INTS9: variants seen among roughly 807,000 people sequenced by gnomAD.
The protein encoded by INTS9 is protein related to CPSF subunits of 74 kDa.
INTS9 carries 55 observed loss-of-function variants against 79.7 expected under a neutral mutation model. The observed-to-expected ratio is 0.69, with a 90% CI of 0.56 to 0.86. INTS9 has a LOEUF of 0.86. Ranked by LOEUF, INTS9 falls within the 40% of genes least tolerant of loss-of-function variation. The pLI is 0.00. For missense variants in INTS9, 721 were observed against 831.5 expected, an observed-to-expected ratio of 0.87 and a Z score of 1.64; for synonymous variants, 319 against 325.2, an observed-to-expected ratio of 0.98 and a Z score of 0.20.
intron 3 of INTS9, among the ~76,000 whole-genome samples, chr8:28,847,980 T>C (rs535559985): frequency 2.0e-5 from 3 of 152,322 alleles, no homozygotes; most frequent in Non-Finnish European, 4.4e-5. Flanking sequence ...GGCAAAGCCA[T>C]ACAGATACCG....
chr8:28,850,841 GT>G (rs1471724921), intron 2 of INTS9, among the ~76,000 whole-genome samples: 1 of 152,188 alleles, frequency 6.6e-6, no homozygotes, highest in Non-Finnish European at 1.5e-5. Flanking sequence ...AATGAAGCTA[GT>G]TTTCCCAAGT....
At chr8:28,826,530 G>A (rs1486726942) in intron 6 of INTS9, among the ~76,000 whole-genome samples, 2 of 152,140 alleles carry the variant, frequency 1.3e-5, no homozygotes, top group Non-Finnish European at 2.9e-5. Flanking sequence ...CTTCTGCCAT[G>A]GCTCCAAGTG....
At chr8:28,831,592 T>C (rs1276818277) in intron 6 of INTS9, among the ~76,000 whole-genome samples, 1 of 152,178 alleles carries the variant, frequency 6.6e-6, no homozygotes, top group Non-Finnish European at 1.5e-5. Context: ...TGTGGCCAAA[T>C]GGGAGGCAAA....
At chr8:28,888,262 T>C (rs999055823) in intron 1 of INTS9, among the ~76,000 whole-genome samples, 2 of 152,214 alleles carry the variant, frequency 1.3e-5, no homozygotes, top group Non-Finnish European at 2.9e-5. Flanking sequence ...CAGTGAATTA[T>C]AATTTCGGAC....
Position 28,780,824 on chromosome 8 carries a change from C to T in INTS9, c.1269G>A (p.Thr423=), listed in dbSNP as rs111650232. 7.0e-4 allele frequency: 1,125 copies of T among 1,613,298 alleles called. 3 individuals carry two copies. The highest frequency in any genetic ancestry group is 8.5e-4 in the Non-Finnish European group (1,004 of 1,179,574). The change falls in exon 12 of 17, where the codon ACG becomes ACA. Residue 423 remains threonine, a splice_region_variant and synonymous_variant. Coordinates refer to ENST00000521022, the MANE Select transcript of INTS9 (RefSeq NM_018250.4). ...TGTTTCTTTATTTTTTTCACTTACC[C>T]GTGAATATGACGGTATTGAGACTAG... ...GKSSLNTVIF[T]EPDFSYLEAL...
intron 8 of INTS9, among the ~76,000 whole-genome samples, chr8:28,802,801 A>G (rs1804594677): frequency 6.6e-6 from 1 of 152,266 alleles, no homozygotes; most frequent in South Asian, 2.1e-4. Context: ...CATCAGTGTC[A>G]CATTCTATTA....
chr8:28,824,286 C>T (rs1011130016), intron 6 of INTS9, among the ~76,000 whole-genome samples: 17 of 152,176 alleles, frequency 1.1e-4, no homozygotes, highest in Admixed American at 8.5e-4. Context: ...TGCACACCTC[C>T]TCTCCTCCTT....
intron 6 of INTS9, chr8:28,813,821 C>A (rs188930862): frequency 9.0e-6 from 4 of 443,040 alleles, no homozygotes; most frequent in Non-Finnish European, 1.6e-5. Flanking sequence ...AGTGCTATGG[C>A]GCCATCTCGG....
chr8:28,771,991 G>T (rs1200368932), intron 14 of INTS9, among the ~76,000 whole-genome samples: 1 of 152,116 alleles, frequency 6.6e-6, no homozygotes, highest in Non-Finnish European at 1.5e-5. Context: ...CTCCCCAGTA[G>T]CTGGGACTAC....
In INTS9 at chr8:28,771,072, ATC is replaced by A. The variant is rs1476285438; in HGVS notation, c.1570_1571del (p.Asp524PhefsTer25). 1.9e-6 allele frequency: 3 copies of A among 1,608,850 alleles called. No homozygotes were observed. In the South Asian group the frequency reaches 3.3e-5, roughly 18 times the overall value. ...GCTTGATCTCCATGGGCACCAGTGA[ATC>A]TGCGAGCTGAAAGCAAAGGGCGCAG... ...EKIEIMPELA[D>X]SLVPMEIKPG... On this transcript the variant is annotated frameshift_variant, in exon 15 of 17. Coordinates refer to ENST00000521022, the MANE Select transcript of INTS9 (RefSeq NM_018250.4). LOFTEE classifies it high-confidence loss of function.
At chr8:28,862,547 A>AC (rs1808516248) in intron 1 of INTS9, among the ~76,000 whole-genome samples, 1 of 152,156 alleles carries the variant, frequency 6.6e-6, no homozygotes, top group East Asian at 1.9e-4. Context: ...ATACTGGACT[A>AC]TTTTTTTAAG....
intron 12 of INTS9, 115 bp downstream of exon 12, chr8:28,780,708 A>G (rs1049502308): frequency 1.2e-5 from 18 of 1,507,286 alleles, no homozygotes; most frequent in Non-Finnish European, 1.5e-5. Flanking sequence ...CAGTAGAACA[A>G]TGTTTGTATT....
chr8:28,767,928 G>A lies in INTS9; in HGVS notation c.*218C>T. 1.8e-6 allele frequency: 1 copy of A among 549,672 alleles called. No individual in the cohort carries two copies. Among genetic ancestry groups the A allele is most frequent in the South Asian group, 2.1e-5 (1 of 48,578 alleles). The allele number at this position is 549,672 out of a possible 1,614,324, so 34.0% of individuals were successfully genotyped here. ...AGCTCCTTGAGAGAGCCAGAGTTGA[G>A]AAGAAAATGAGCCTGAAGTTGAAAG... On this transcript the variant is annotated 3_prime_UTR_variant, in exon 17 of 17. Transcript: ENST00000521022.
At chr8:28,774,454 A>G (rs192451429) in intron 14 of INTS9, among the ~76,000 whole-genome samples, 45 of 152,378 alleles carry the variant, frequency 3.0e-4, no homozygotes, top group Non-Finnish European at 4.9e-4. Context: ...ATGCTGGCTT[A>G]GAGAGTTGAA....
intron 2 of INTS9, among the ~76,000 whole-genome samples, chr8:28,857,695 C>A (rs1241250607): frequency 1.3e-5 from 2 of 152,154 alleles, no homozygotes; most frequent in African/African-American, 4.8e-5. Context: ...ACAACAAATA[C>A]TTACTGAGTA....
chr8:28,874,330 C>T (rs992377115), intron 1 of INTS9, among the ~76,000 whole-genome samples: 2 of 151,182 alleles, frequency 1.3e-5, no homozygotes, highest in Non-Finnish European at 2.9e-5. Context: ...CGCTCTGTCA[C>T]CCAAGCTGGA....
intron 2 of INTS9, among the ~76,000 whole-genome samples, chr8:28,854,439 T>A (rs1808032825): frequency 6.6e-6 from 1 of 151,910 alleles, no homozygotes; most frequent in African/African-American, 2.4e-5. Context: ...TTTTGACAGT[T>A]TGCAGTGAGG....
chr8:28,878,551 A>G (rs1220605097), intron 1 of INTS9, among the ~76,000 whole-genome samples: 1 of 150,964 alleles, frequency 6.6e-6, no homozygotes, highest in Non-Finnish European at 1.5e-5. Flanking sequence ...CAAACTTGCG[A>G]GCTCAAGTGA....
chr8:28,829,608 A>G (rs909116030), intron 6 of INTS9, among the ~76,000 whole-genome samples: 4 of 152,184 alleles, frequency 2.6e-5, no homozygotes, highest in Non-Finnish European at 5.9e-5. Context: ...TTAGTAATGT[A>G]AGCTACTAAG....
Sources: allele counts gnomAD v4.1 joint callset (sites outside exome capture counted in the v4.1 genomes callset), GRCh38; gene constraint gnomAD v4.1.1; transcripts MANE v1.5; gene names NCBI Gene and HGNC (gene_info 2026-07-23, HGNC 2026-07-21).